CLSTN2: variants seen among roughly 807,000 people sequenced by gnomAD.
The protein encoded by CLSTN2 is calsyntenin 2.
In CLSTN2, 48 loss-of-function variants were observed where a neutral mutation model predicts 101.2. That is an observed-to-expected ratio of 0.47 (90% CI 0.38 to 0.60). The LOEUF (loss-of-function observed/expected upper bound fraction) is 0.60. Ranked by LOEUF, CLSTN2 falls within the 20% of genes least tolerant of loss-of-function variation. CLSTN2 has a pLI of 0.00. For missense variants in CLSTN2, 1,160 were observed against 1,238.2 expected (o/e 0.94, Z 0.95); for synonymous variants, 481 against 463.6 (o/e 1.04, Z -0.48).
At position 139,935,450 on chromosome 3, in the gene CLSTN2, G is replaced by T; in HGVS notation, c.76G>T (p.Asp26Tyr). 2 of 1,231,492 alleles carry T rather than the reference G, an allele frequency of 1.6e-6. No individual in the cohort carries two copies. Among genetic ancestry groups the T allele is most frequent in the East Asian group, 6.3e-5 (2 of 31,586 alleles). 76.3% of individuals were successfully genotyped at this position (1,231,492 alleles called of 1,614,324 possible). The change falls in exon 1 of 17, where the codon GAC (aspartate) becomes TAC (tyrosine). Residue 26 changes from aspartate to tyrosine, a missense_variant. Asp to Tyr is a radical substitution (Grantham distance 160). Coordinates refer to ENST00000458420, the MANE Select transcript of CLSTN2 (RefSeq NM_022131.3). The surrounding 1 kb of genome is among the most constrained non-coding windows in gnomAD (Gnocchi z 5.5). The part of the protein sequence containing the change: ...GVGSGSGGGG[D>Y]SRQRRLLAAK... Reference sequence around the variant, plus strand: ...GGGGAGCGGCAGCGGCGGTGGCGGGGACAGCCGGCAGCGCCGCCTCCTCGC... The same window carrying T: ...GGGGAGCGGCAGCGGCGGTGGCGGGTACAGCCGGCAGCGCCGCCTCCTCGC...
intron 2 of CLSTN2, among the ~76,000 whole-genome samples, chr3:140,216,935 A>G (rs4577424): frequency 0.94 from 142,952 of 152,250 alleles, 67,768 homozygotes; most frequent in East Asian, 1. Flanking sequence ...ATACTAACTC[A>G]TAGTCCTTAT....
intron 2 of CLSTN2, among the ~76,000 whole-genome samples, chr3:140,248,379 A>G (rs1019151843): frequency 1.3e-5 from 2 of 152,172 alleles, no homozygotes; most frequent in African/African-American, 4.8e-5. Flanking sequence ...CAGCAGCTTC[A>G]AGTCCAAAGG....
chr3:140,216,396 G>A (rs748320777), intron 2 of CLSTN2, among the ~76,000 whole-genome samples: 1 of 152,184 alleles, frequency 6.6e-6, no homozygotes, highest in Non-Finnish European at 1.5e-5. Context: ...CTTCTCAGGA[G>A]GATGCCCAAA....
chr3:139,993,577 A>G (rs1936152186), intron 1 of CLSTN2, among the ~76,000 whole-genome samples: 1 of 152,144 alleles, frequency 6.6e-6, no homozygotes, highest in Non-Finnish European at 1.5e-5. Context: ...CTTTGGCTCA[A>G]ACAGTATATC....
In CLSTN2 at chr3:140,568,499, G is replaced by C. The variant is rs995872492; in HGVS notation, c.*2246G>C. On this transcript the variant is annotated 3_prime_UTR_variant, in exon 17 of 17. Coordinates refer to ENST00000458420, the MANE Select transcript of CLSTN2 (RefSeq NM_022131.3). The stretch of plus-strand genomic sequence containing the variant: ...AAATAGCCCTTTTCTATTAGGCTGT[G>C]TCTGTACATCCACAAGAGGAAAGTC... 2 of 152,140 alleles carry C rather than the reference G, an allele frequency of 1.3e-5. 1 individual carries two copies. 9.4% of individuals were successfully genotyped at this position (152,140 alleles called of 1,614,324 possible).
chr3:140,171,679 A>ATATAT (rs1559797185), intron 1 of CLSTN2, among the ~76,000 whole-genome samples: 2 of 8,308 alleles, frequency 2.4e-4, no homozygotes, highest in East Asian at 3.2e-3. Context: ...AATATGTATT[A>ATATAT]TATATAATAT....
chr3:140,054,142 T>A (rs1484095233), intron 1 of CLSTN2, among the ~76,000 whole-genome samples: 1 of 152,094 alleles, frequency 6.6e-6, no homozygotes, highest in African/African-American at 2.4e-5. Flanking sequence ...GGGGAGGTTC[T>A]TGGTCAGGGA....
chr3:140,082,608 A>T (rs1233728833), intron 1 of CLSTN2, among the ~76,000 whole-genome samples: 1 of 152,106 alleles, frequency 6.6e-6, no homozygotes, highest in Admixed American at 6.6e-5. Flanking sequence ...CTCCAAACAG[A>T]GGAGTTGCTT....
At chr3:140,200,925 G>A (rs1043766434) in intron 2 of CLSTN2, among the ~76,000 whole-genome samples, 6 of 152,044 alleles carry the variant, frequency 3.9e-5, no homozygotes. Context: ...CATCACCAAA[G>A]GACCTTGATA....
intron 2 of CLSTN2, among the ~76,000 whole-genome samples, chr3:140,310,559 T>G (rs2087158296): frequency 6.6e-6 from 1 of 152,162 alleles, no homozygotes; most frequent in African/African-American, 2.4e-5. Context: ...GGCTGCGTAG[T>G]GCCCTCCACT....
intron 1 of CLSTN2, among the ~76,000 whole-genome samples, chr3:140,147,621 T>TAGG (rs1160770046): frequency 6.6e-6 from 1 of 152,072 alleles, no homozygotes; most frequent in Non-Finnish European, 1.5e-5. Flanking sequence ...AATTGAGAAT[T>TAGG]AGGGTGGTGG....
chr3:140,191,961 T>C (rs552297349), intron 2 of CLSTN2, among the ~76,000 whole-genome samples: 5 of 152,022 alleles, frequency 3.3e-5, no homozygotes, highest in African/African-American at 1.2e-4. Flanking sequence ...AGATGTTTCC[T>C]TTTTTAATGT....
chr3:140,298,328 G>A lies in CLSTN2; in HGVS notation c.233-105301G>A, dbSNP rs1481133957. 1.1e-4 allele frequency among the ~76,000 whole-genome samples: 16 copies of A among 152,222 alleles called. 1 individual carries two copies. The highest frequency in any genetic ancestry group is 9.8e-4 in the Admixed American group (15 of 15,298). Reference sequence around the variant, plus strand: ...TCATTTACTAATGTAAATATTTGAGGCCATAATCTATGTAAAGTCCTTAAA... The same window carrying A: ...TCATTTACTAATGTAAATATTTGAGACCATAATCTATGTAAAGTCCTTAAA... On this transcript the variant is annotated intron_variant, in intron 2 of 16. Transcript: ENST00000458420.
intron 8 of CLSTN2, among the ~76,000 whole-genome samples, chr3:140,480,674 A>G (rs899884047): frequency 1.1e-4 from 16 of 152,066 alleles, no homozygotes; most frequent in Admixed American, 2.6e-4. Flanking sequence ...TGAGGTTTTG[A>G]TTTGCATTTC....
intron 1 of CLSTN2, among the ~76,000 whole-genome samples, chr3:140,101,449 G>A (rs568897642): frequency 1.1e-4 from 16 of 152,346 alleles, no homozygotes; most frequent in Admixed American, 2.0e-4. Context: ...AGACACTGAA[G>A]TCGCTCCCAG....
intron 2 of CLSTN2, among the ~76,000 whole-genome samples, chr3:140,250,181 G>C (rs529287829): frequency 6.6e-6 from 1 of 152,144 alleles, no homozygotes; most frequent in African/African-American, 2.4e-5. Context: ...AACTTTTTGC[G>C]CAGCAAATGT....
chr3:140,348,424 T>C (rs565948902), intron 2 of CLSTN2, among the ~76,000 whole-genome samples: 50 of 152,292 alleles, frequency 3.3e-4, no homozygotes, highest in Admixed American at 2.4e-3. Context: ...TTCAATTTCC[T>C]TATGTTCTTC....
At chr3:140,061,019 G>C (rs1406709882) in intron 1 of CLSTN2, among the ~76,000 whole-genome samples, 1 of 152,172 alleles carries the variant, frequency 6.6e-6, no homozygotes, top group African/African-American at 2.4e-5. Flanking sequence ...GGGAAGCCCT[G>C]AGCAGAGGGG....
intron 8 of CLSTN2, among the ~76,000 whole-genome samples, chr3:140,492,413 C>A (rs1042983893): frequency 6.6e-6 from 1 of 152,180 alleles, no homozygotes; most frequent in South Asian, 2.1e-4. Context: ...AAAACCTATT[C>A]TGGAGCAAAG....
Sources: allele counts gnomAD v4.1 joint callset (sites outside exome capture counted in the v4.1 genomes callset), GRCh38; gene constraint gnomAD v4.1.1; non-coding constraint Gnocchi (gnomAD v3.1); transcripts MANE v1.5; gene names NCBI Gene and HGNC (gene_info 2026-07-23, HGNC 2026-07-21).